The following DNM1 variants were observed in gnomAD, a reference collection of about 807,000 sequenced individuals.
The protein encoded by DNM1 is dynamin 1, also known as dynamin-1.
Under a neutral mutation model 104.6 loss-of-function variants are expected in DNM1, and 29 were observed. The ratio of observed to expected loss-of-function variants is 0.28; its 90% CI spans 0.21 to 0.38. The LOEUF (loss-of-function observed/expected upper bound fraction) is 0.38. Among genes scored for constraint, DNM1 ranks in the 10% least tolerant of loss-of-function variants. The probability of loss-of-function intolerance (pLI) is 1.00; values close to 1 mark genes in which losing one functional copy is unlikely to be tolerated. For synonymous variants in DNM1, 445 were observed against 475.8 expected (o/e 0.94, Z 0.84); for missense variants, 640 against 1,189.4 (o/e 0.54, Z 6.79).
In DNM1 at chr9:128,219,102, G is replaced by A; in HGVS notation, c.439G>A (p.Asp147Asn). 2 of 1,614,116 alleles carry A rather than the reference G, an allele frequency of 1.2e-6. No individual in the cohort carries two copies. The highest frequency in any genetic ancestry group is 1.7e-6 in the Non-Finnish European group (2 of 1,180,044). The change falls in exon 4 of 22, where the codon GAC becomes AAC. Residue 147 changes from aspartate (D) to asparagine (N), a missense_variant. Around this residue, in one of 7 missense-constraint regions of DNM1, gnomAD observed 172 missense variants for 335.3 expected, o/e 0.51. Transcript: ENST00000372923. ...LPGMTKVPVG[D>N]QPPDIEFQIR... Reference sequence around the variant, plus strand: ...CGGAATGACCAAGGTCCCGGTGGGGGACCAACCTCCCGACATCGAGTTCCA... The same window carrying A: ...CGGAATGACCAAGGTCCCGGTGGGGAACCAACCTCCCGACATCGAGTTCCA...
rs1833673861 is a variant in DNM1, at chr9:128,203,889, T to C, written c.161+258T>C. Among the ~76,000 whole-genome samples the C allele has an allele frequency of 4.0e-5, 6 of 151,506 alleles. No homozygotes were observed. Among genetic ancestry groups the C allele is most frequent in the Admixed American group, 3.9e-4 (6 of 15,264 alleles). ...ACGCCCCCTCCTCCGTCCCATCCTT[T>C]AGGGCAGACAACGCTCTGCCAGAAG... On this transcript the variant is annotated intron_variant, in intron 1 of 21. Transcript: ENST00000372923. This position sits in a 1 kb window ranked among gnomAD's most constrained non-coding sequence, Gnocchi z 5.3.
intron 11 of DNM1, 74 bp downstream of exon 11, chr9:128,234,181 C>A: frequency 8.0e-7 from 1 of 1,251,970 alleles, no homozygotes. Flanking sequence ...ACTCCTGGCC[C>A]TGGGGTTGCT....
rs1366856281 is a variant in DNM1, at chr9:128,253,302, C to T, written c.2535-1352C>T. 1.5e-6 allele frequency: 1 copy of T among 662,350 alleles called. No individual in the cohort carries two copies. 41.0% of individuals were successfully genotyped at this position (662,350 alleles called of 1,614,324 possible). A position where few individuals can be genotyped will look rare whatever the true frequency, so the allele number is the denominator to read the frequency against. On this transcript the variant is annotated intron_variant, in intron 21 of 21. Coordinates refer to ENST00000372923, the MANE Select transcript of DNM1 (RefSeq NM_004408.4). This position sits in a 1 kb window ranked among gnomAD's most constrained non-coding sequence, Gnocchi z 5.9. ...TTTCTGTCCTTGTGCCGCTGGCTCT[C>T]TCACCTCCCTTCCCTGCGAGCCTCG...
chr9:128,217,738 C>T (rs1834698766), intron 1 of DNM1, among the ~76,000 whole-genome samples: 1 of 152,158 alleles, frequency 6.6e-6, no homozygotes, highest in Admixed American at 6.5e-5. Flanking sequence ...TTCCTTGCCA[C>T]CTCCTTCCCC....
chr9:128,237,783 G>A (rs1349666712), intron 11 of DNM1, among the ~76,000 whole-genome samples: 3 of 151,682 alleles, frequency 2.0e-5, no homozygotes, highest in African/African-American at 7.3e-5. Flanking sequence ...TTGTTTGTTT[G>A]TTTGTTTTGA....
In DNM1 at chr9:128,245,403, C is replaced by T. The variant is rs1588443851; in HGVS notation, c.1672-991C>T. Among the ~76,000 whole-genome samples the T allele has an allele frequency of 6.6e-6, 1 of 151,970 alleles. No individual in the cohort carries two copies. The highest frequency in any genetic ancestry group is 2.1e-4 in the South Asian group (1 of 4,820). On this transcript the variant is annotated intron_variant, in intron 15 of 21. Coordinates refer to ENST00000372923, the MANE Select transcript of DNM1 (RefSeq NM_004408.4). The surrounding 1 kb of genome is among the most constrained non-coding windows in gnomAD (Gnocchi z 5.2). ...CCCCGAGGCCCACACAGACGACCCC[C>T]GTGAACAAGTAGGGCATGGGTGACA...
At chr9:128,239,160 G>A (rs934343856) in intron 11 of DNM1, among the ~76,000 whole-genome samples, 4 of 152,004 alleles carry the variant, frequency 2.6e-5, no homozygotes, top group Non-Finnish European at 5.9e-5. Context: ...ACCATGCCTA[G>A]CTACCTTTTG....
At position 128,224,174 on chromosome 9, in the gene DNM1, G is replaced by A; in HGVS notation, c.1197-77G>A. On this transcript the variant is annotated intron_variant, in intron 9 of 21. Transcript: ENST00000372923. The surrounding 1 kb of genome is among the most constrained non-coding windows in gnomAD (Gnocchi z 4.3). ...CCCTCAGGCAGAGTTCGTGGGCTTG[G>A]GGAGGAGCCTCGGCCTGGCCCTCCT... is the stretch of plus-strand genomic sequence containing the variant. 1 of 1,536,664 alleles carries A rather than the reference G, an allele frequency of 6.5e-7. No individual in the cohort carries two copies. The highest frequency in any genetic ancestry group is 8.8e-7 in the Non-Finnish European group (1 of 1,138,000).
At chr9:128,230,256 G>A (rs894917848) in intron 10 of DNM1, among the ~76,000 whole-genome samples, 24 of 150,210 alleles carry the variant, frequency 1.6e-4, no homozygotes, top group Non-Finnish European at 2.1e-4. Context: ...AAAAAAAGAT[G>A]GGATTCACTT....
chr9:128,254,415 G>C lies in DNM1; in HGVS notation c.2535-239G>C, dbSNP rs1003897145. On this transcript the variant is annotated intron_variant, in intron 21 of 21. Transcript: ENST00000372923. The surrounding 1 kb of genome is among the most constrained non-coding windows in gnomAD (Gnocchi z 6.1). ...GGCCAGCGTGTGTGGGGTGGGGAGG[G>C]CCGCCACAGCCCCCAGGCGCTATCT... is the stretch of plus-strand genomic sequence containing the variant. 4 of 1,429,546 alleles carry C rather than the reference G, an allele frequency of 2.8e-6. No individual in the cohort carries two copies. The African/African-American group carries it at 5.8e-5, about 21-fold the overall frequency. 88.6% of individuals were successfully genotyped at this position (1,429,546 alleles called of 1,614,324 possible).
rs376041515 is a variant in DNM1 at position 128,254,577 on chromosome 9, G to C, written c.2535-77G>C. The C allele has an allele frequency of 1.2e-5, 18 of 1,447,668 alleles. No individual in the cohort carries two copies. Among genetic ancestry groups the C allele is most frequent in the Admixed American group, 7.3e-5 (4 of 55,034 alleles). 89.7% of individuals were successfully genotyped at this position (1,447,668 alleles called of 1,614,324 possible). On this transcript the variant is annotated intron_variant, in intron 21 of 21. Coordinates refer to ENST00000372923, the MANE Select transcript of DNM1 (RefSeq NM_004408.4). This position sits in a 1 kb window ranked among gnomAD's most constrained non-coding sequence, Gnocchi z 6.1. ...TGCTGCGGCGCGGCCGGCCCCGGCC[G>C]TGTGCTGCGCTTGCCTTACCAGCTC... is the stretch of plus-strand genomic sequence containing the variant.
intron 10 of DNM1, among the ~76,000 whole-genome samples, chr9:128,225,857 G>A (rs1835309389): frequency 6.6e-6 from 1 of 151,962 alleles, no homozygotes; most frequent in African/African-American, 2.4e-5. Context: ...CCGGTCCCAC[G>A]CTCACATTGT....
At position 128,220,316 on chromosome 9, in the gene DNM1, C is replaced by T. The variant is rs1156961123; in HGVS notation, c.824C>T (p.Pro275Leu). ...YRHLADRMGT[P>L]YLQKVLNQQL... ...CACTTGGCTGACCGTATGGGCACGC[C>T]CTACCTGCAGAAGGTCCTCAATCAG... Residue 275 changes from proline (P) to leucine (L), a missense_variant, in exon 6 of 22, where the codon CCC becomes CTC. Transcript: ENST00000372923. This position sits in a 1 kb window ranked among gnomAD's most constrained non-coding sequence, Gnocchi z 5.2. 1 of 1,614,138 alleles carries T rather than the reference C, an allele frequency of 6.2e-7. No homozygotes were observed. Among genetic ancestry groups the T allele is most frequent in the Admixed American group, 1.7e-5 (1 of 60,020 alleles).
chr9:128,253,116 C>A lies in DNM1; in HGVS notation c.2535-1538C>A. ...TGTCTTTCAGAATCACTATCAGTGA[C>A]CCCTGAGGAGCGTCAGCCATGGTAG... On this transcript the variant is annotated intron_variant, in intron 21 of 21. Transcript: ENST00000372923. This position sits in a 1 kb window ranked among gnomAD's most constrained non-coding sequence, Gnocchi z 5.9. The A allele has an allele frequency of 6.2e-7, 1 of 1,609,176 alleles. No homozygotes were observed. Among genetic ancestry groups the A allele is most frequent in the Non-Finnish European group, 8.5e-7 (1 of 1,179,964 alleles).
At chr9:128,237,480 C>T (rs553495512) in intron 11 of DNM1, among the ~76,000 whole-genome samples, 1 of 152,072 alleles carries the variant, frequency 6.6e-6, no homozygotes, top group South Asian at 2.1e-4. Context: ...AGGCTGATCT[C>T]GAACTTGTGA....
intron 13 of DNM1, 83 bp downstream of exon 13, chr9:128,239,862 G>C: frequency 6.4e-7 from 1 of 1,572,634 alleles, no homozygotes; most frequent in Non-Finnish European, 8.7e-7. Flanking sequence ...CCCCTGAGGG[G>C]AAGGGTCCCA....
At chr9:128,215,536 G>C (rs927116915) in intron 1 of DNM1, among the ~76,000 whole-genome samples, 1 of 152,224 alleles carries the variant, frequency 6.6e-6, no homozygotes, top group East Asian at 1.9e-4. Flanking sequence ...CCTGCCTCTA[G>C]TCTCTGCTTC....
chr9:128,250,496 GC>G (rs1027112222), intron 20 of DNM1, 140 bp downstream of exon 20: 14 of 1,099,320 alleles, frequency 1.3e-5, no homozygotes, highest in Non-Finnish European at 1.8e-5. Context: ...AGAGGGCGGG[GC>G]TTGTCGCGGG....
At chr9:128,219,421 C>A (rs1248149439) in intron 4 of DNM1, among the ~76,000 whole-genome samples, 169 bp downstream of exon 4, 2 of 152,232 alleles carry the variant, frequency 1.3e-5, no homozygotes, top group Non-Finnish European at 2.9e-5. Context: ...GTAATCCCAG[C>A]ACTTTGGGAG....
Sources: allele counts gnomAD v4.1 joint callset (sites outside exome capture counted in the v4.1 genomes callset), GRCh38; gene constraint gnomAD v4.1.1; regional missense constraint gnomAD v4.1.1; non-coding constraint Gnocchi (gnomAD v3.1); transcripts MANE v1.5; gene names NCBI Gene and HGNC (gene_info 2026-07-23, HGNC 2026-07-21).